Variants in PCMT1 observed in about 807,000 individuals in gnomAD.
PCMT1 encodes the protein protein-L-isoaspartate(D-aspartate) O-methyltransferase.
Under a neutral mutation model 29.2 loss-of-function variants are expected in PCMT1, and 9 were observed. That is an observed-to-expected ratio of 0.31 (90% CI 0.19 to 0.54). The LOEUF (loss-of-function observed/expected upper bound fraction) is 0.54. Ranked by LOEUF, PCMT1 falls within the 20% of genes least tolerant of loss-of-function variation. The probability of loss-of-function intolerance (pLI) is 0.95; values close to 1 mark genes in which losing one functional copy is unlikely to be tolerated. For synonymous variants in PCMT1, 98 were observed against 97.5 expected, an observed-to-expected ratio of 1.00 and a Z score of -0.03; for missense variants, 184 against 282.2, an observed-to-expected ratio of 0.65 and a Z score of 2.49.
At chr6:149,755,983 C>T (rs1314958750) in intron 1 of PCMT1, among the ~76,000 whole-genome samples, 1 of 152,084 alleles carries the variant, frequency 6.6e-6, no homozygotes, top group Admixed American at 6.6e-5. Context: ...GAAGAAATAG[C>T]GAATTCCAGA....
chr6:149,756,043 A>G (rs927045779), intron 1 of PCMT1, among the ~76,000 whole-genome samples: 2 of 152,150 alleles, frequency 1.3e-5, no homozygotes, highest in Non-Finnish European at 2.9e-5. Context: ...ATCCAACACC[A>G]AGGTTTTAGG....
chr6:149,803,484 C>G lies in PCMT1; in HGVS notation c.*37+1068C>G, dbSNP rs1397726455. 2.7e-5 allele frequency among the ~76,000 whole-genome samples: 4 copies of G among 146,906 alleles called. 1 individual carries two copies. Among genetic ancestry groups the G allele is most frequent in the South Asian group, 4.4e-4 (2 of 4,590 alleles). On this transcript the variant is annotated intron_variant, in intron 7 of 7. Transcript: ENST00000464889. ...CTTTTGTTTTATGTCTCAGCATAAT[C>G]TGAATATTTTGTTTGAAGCCAAGAT...
intron 7 of PCMT1, among the ~76,000 whole-genome samples, chr6:149,804,395 AAG>A (rs1775946489): frequency 6.6e-6 from 1 of 152,192 alleles, no homozygotes; most frequent in East Asian, 1.9e-4. Flanking sequence ...GAATTATAAA[AAG>A]GGAATTTTGT....
chr6:149,805,780 AC>A (rs777600044), intron 7 of PCMT1, among the ~76,000 whole-genome samples: 29 of 151,346 alleles, frequency 1.9e-4, no homozygotes, highest in Non-Finnish European at 3.1e-4. Context: ...TACTAAAAAA[AC>A]AATACAAAAA....
intron 7 of PCMT1, among the ~76,000 whole-genome samples, chr6:149,806,199 T>A (rs1776009679): frequency 6.6e-6 from 1 of 152,200 alleles, no homozygotes; most frequent in Non-Finnish European, 1.5e-5. Context: ...TGAAACTGAC[T>A]GCTCTCATGG....
intron 6 of PCMT1, chr6:149,797,285 A>C (rs1361234164): frequency 6.6e-6 from 1 of 152,194 alleles, no homozygotes; most frequent in African/African-American, 2.4e-5. Flanking sequence ...AACACAGGAT[A>C]TCTATTGGAA....
intron 1 of PCMT1, among the ~76,000 whole-genome samples, chr6:149,755,622 A>G (rs1448761254): frequency 6.6e-6 from 1 of 152,128 alleles, no homozygotes; most frequent in East Asian, 1.9e-4. Context: ...CTAATGATCA[A>G]TTGTTTCTAC....
chr6:149,804,039 C>T (rs1562426451), intron 7 of PCMT1, among the ~76,000 whole-genome samples: 1 of 132,100 alleles, frequency 7.6e-6, no homozygotes, highest in African/African-American at 3.0e-5. Flanking sequence ...CGAGATCACA[C>T]TACTGCCTTC....
intron 3 of PCMT1, among the ~76,000 whole-genome samples, chr6:149,777,756 T>A (rs1787630227): frequency 6.6e-6 from 1 of 152,188 alleles, no homozygotes; most frequent in African/African-American, 2.4e-5. Context: ...GTCCTTGATC[T>A]GTTATCAATT....
intron 7 of PCMT1, among the ~76,000 whole-genome samples, chr6:149,803,509 T>TTTCTC (rs10675828): frequency 0.52 from 76,544 of 145,886 alleles, 23,784 homozygotes; most frequent in East Asian, 0.83. Flanking sequence ...GAAGCCAAGA[T>TTTCTC]TTCTCTTTTC....
intron 7 of PCMT1, among the ~76,000 whole-genome samples, chr6:149,808,370 G>C (rs1395160864): frequency 2.0e-5 from 3 of 151,920 alleles, no homozygotes; most frequent in Non-Finnish European, 4.4e-5. Flanking sequence ...TGAACATTGG[G>C]GAAAATTTAA....
chr6:149,779,717 A>G (rs1787736354), intron 3 of PCMT1, among the ~76,000 whole-genome samples: 1 of 152,060 alleles, frequency 6.6e-6, no homozygotes. Context: ...GCCTGAGACA[A>G]GAGAATCACT....
intron 1 of PCMT1, among the ~76,000 whole-genome samples, chr6:149,770,860 G>A (rs555090933): frequency 6.1e-5 from 8 of 130,552 alleles, no homozygotes; most frequent in East Asian, 5.1e-4. Flanking sequence ...TTAGCCAGGC[G>A]TGGTGGCGGG....
At chr6:149,766,693 A>C (rs1270863569) in intron 1 of PCMT1, among the ~76,000 whole-genome samples, 3 of 152,188 alleles carry the variant, frequency 2.0e-5, no homozygotes, top group Non-Finnish European at 4.4e-5. Flanking sequence ...TAAAATATTT[A>C]CTATTTGGAC....
At chr6:149,787,398 G>A (rs1449446955) in intron 3 of PCMT1, among the ~76,000 whole-genome samples, 3 of 149,224 alleles carry the variant, frequency 2.0e-5, no homozygotes, top group African/African-American at 5.0e-5. Context: ...ACGGAATCTC[G>A]CTCTGTCACC....
chr6:149,804,392 A>G (rs561208063), intron 7 of PCMT1, among the ~76,000 whole-genome samples: 36 of 152,328 alleles, frequency 2.4e-4, no homozygotes, highest in South Asian at 6.2e-4. Flanking sequence ...AAGGAATTAT[A>G]AAAAGGGAAT....
chr6:149,801,774 C>T (rs551452706), intron 6 of PCMT1, among the ~76,000 whole-genome samples: 2 of 151,794 alleles, frequency 1.3e-5, no homozygotes, highest in African/African-American at 2.4e-5. Context: ...AAATAAAGAA[C>T]GTTTCTGCTT....
At chr6:149,803,133 A>G (rs1445958092) in intron 7 of PCMT1, among the ~76,000 whole-genome samples, 1 of 151,824 alleles carries the variant, frequency 6.6e-6, no homozygotes, top group Admixed American at 6.6e-5. Context: ...AGGAGAAAGA[A>G]GGGGAAAGAT....
chr6:149,805,445 T>C (rs1249992709), intron 7 of PCMT1, among the ~76,000 whole-genome samples: 2 of 147,660 alleles, frequency 1.4e-5, no homozygotes, highest in South Asian at 2.1e-4. Flanking sequence ...TACAAAAAAA[T>C]TAGCCGGGCG....
Sources: allele counts gnomAD v4.1 joint callset (sites outside exome capture counted in the v4.1 genomes callset), GRCh38; gene constraint gnomAD v4.1.1; transcripts MANE v1.5; gene names NCBI Gene and HGNC (gene_info 2026-07-23, HGNC 2026-07-21).